FAM186A: variants seen among roughly 807,000 people sequenced by gnomAD.
FAM186A encodes the protein family with sequence similarity 186 member A, also known as protein FAM186A.
A neutral mutation model predicts 216.8 loss-of-function variants in FAM186A; 163 were observed. The ratio of observed to expected loss-of-function variants is 0.75; its 90% confidence interval spans 0.66 to 0.86. The LOEUF (loss-of-function observed/expected upper bound fraction) is 0.86, where lower values mean the gene tolerates loss of function less well. Among genes scored for constraint, FAM186A ranks in the 40% least tolerant of loss-of-function variants. The pLI, the probability that FAM186A is intolerant of heterozygous loss-of-function variation, is 0.00. For missense variants in FAM186A, 2,184 were observed against 2,746.2 expected (o/e 0.80, Z 4.58); for synonymous variants, 805 against 1,025.3 (o/e 0.79, Z 4.10).
chr12:50,360,903 G>A lies in FAM186A; in HGVS notation c.436C>T (p.Leu146=), dbSNP rs1032864412. The change falls in exon 3 of 8, where the codon CTA becomes TTA. Residue 146 remains leucine (L), a synonymous_variant. Coordinates refer to ENST00000327337, the MANE Select transcript of FAM186A (RefSeq NM_001145475.3). ...EWNDVLSEMT[L]MDVDEHHHWI... ...TGGTGGTGTTCATCAACATCCATTA[G>A]AGTCATCTCAGACAAAACATCATCT... 1 of 1,539,672 alleles carries A rather than the reference G, an allele frequency of 6.5e-7. No individual in the cohort carries two copies. The highest frequency in any genetic ancestry group is 2.1e-5 in the Admixed American group (1 of 47,280).
intron 1 of FAM186A, among the ~76,000 whole-genome samples, chr12:50,387,988 C>A (rs551456015): frequency 6.6e-6 from 1 of 152,322 alleles, no homozygotes; most frequent in East Asian, 1.9e-4. Context: ...GGGCACACCA[C>A]TCTCCAGGAA....
chr12:50,385,827 A>G (rs959102425), intron 1 of FAM186A, among the ~76,000 whole-genome samples: 40 of 151,352 alleles, frequency 2.6e-4, no homozygotes, highest in African/African-American at 7.5e-4. Flanking sequence ...GCTTGAACCC[A>G]GGAGGTGGAG....
chr12:50,360,609 C>A lies in FAM186A; in HGVS notation c.583+147G>T, dbSNP rs912379289. The stretch of plus-strand genomic sequence containing the variant: ...CTGAGGCAGGAGAATCACCTGAAAC[C>A]TGGAGGTGGAGGTTGCATTGAACTG... On this transcript the variant is annotated intron_variant, in intron 3 of 7. Coordinates refer to ENST00000327337, the MANE Select transcript of FAM186A (RefSeq NM_001145475.3). 59 of 553,110 alleles carry A rather than the reference C, an allele frequency of 1.1e-4. No individual in the cohort carries two copies. In the African/African-American group the frequency reaches 1.1e-3, roughly 10 times the overall value. 34.3% of individuals were successfully genotyped at this position (553,110 alleles called of 1,614,324 possible).
chr12:50,356,999 AACAT>A (rs71749786), intron 3 of FAM186A, among the ~76,000 whole-genome samples: 4,770 of 149,970 alleles, frequency 0.032, 114 homozygotes, highest in African/African-American at 0.059. Flanking sequence ...ACTTCGTCTC[AACAT>A]ACATACATAC....
chr12:50,373,071 G>A (rs561632946), intron 1 of FAM186A, among the ~76,000 whole-genome samples: 114 of 144,174 alleles, frequency 7.9e-4, no homozygotes, highest in Non-Finnish European at 1.5e-3. Context: ...AAGAAAGAAA[G>A]AAAGAGAAAA....
chr12:50,369,135 G>A (rs955960444), intron 1 of FAM186A, among the ~76,000 whole-genome samples: 2 of 152,002 alleles, frequency 1.3e-5, no homozygotes, highest in East Asian at 3.8e-4. Context: ...AGGCTTCATG[G>A]CATTGGATTT....
At chr12:50,368,116 G>C (rs796392888) in intron 1 of FAM186A, among the ~76,000 whole-genome samples, 64 of 152,034 alleles carry the variant, frequency 4.2e-4, no homozygotes, top group Admixed American at 1.4e-3. Context: ...CTACACTCCA[G>C]CCTGGGTAAC....
At chr12:50,383,278 A>AAAAAAGAGAGAG (rs1555218962) in intron 1 of FAM186A, among the ~76,000 whole-genome samples, 5 of 49,244 alleles carry the variant, frequency 1.0e-4, no homozygotes, top group Non-Finnish European at 2.2e-4. Context: ...AAAAAAAAAA[A>AAAAAAGAGAGAG]AGAGAGAGAG....
At chr12:50,357,522 A>G (rs1942990418) in intron 3 of FAM186A, among the ~76,000 whole-genome samples, 1 of 148,364 alleles carries the variant, frequency 6.7e-6, no homozygotes, top group Non-Finnish European at 1.5e-5. Context: ...AAAAAAAGAC[A>G]CACATTTGAA....
intron 4 of FAM186A, among the ~76,000 whole-genome samples, chr12:50,347,935 C>G (rs1165634938): frequency 1.3e-5 from 2 of 151,692 alleles, no homozygotes; most frequent in South Asian, 2.1e-4. Context: ...GACGACGGCA[C>G]AGTCTTGCCT....
chr12:50,344,974 G>A (rs537770559), intron 4 of FAM186A, among the ~76,000 whole-genome samples: 11 of 152,126 alleles, frequency 7.2e-5, no homozygotes, highest in East Asian at 3.9e-4. Flanking sequence ...AAACAAGGCC[G>A]AGCGCGGTGG....
chr12:50,391,312 T>A (rs1043026729), intron 1 of FAM186A, among the ~76,000 whole-genome samples: 3 of 149,984 alleles, frequency 2.0e-5, no homozygotes, highest in Non-Finnish European at 3.0e-5. Context: ...TTTTTTTATT[T>A]TTTATTTTTT....
chr12:50,355,329 CTTTTT>C lies in FAM186A; in HGVS notation c.1498_1502del (p.Lys500GlufsTer10). The C allele has an allele frequency of 1.9e-6, 3 of 1,550,076 alleles. No individual in the cohort carries two copies. The highest frequency in any genetic ancestry group is 2.6e-6 in the Non-Finnish European group (3 of 1,146,714). ...AAAAGGATTTCATTTCTTTTCTTTT[CTTTTT>C]CAGTACTTGTAGCTCATAGTATTGA... On this transcript the variant is annotated frameshift_variant, in exon 4 of 8. Transcript: ENST00000327337. LOFTEE classifies it high-confidence loss of function.
chr12:50,395,902 C>T (rs146367623), intron 1 of FAM186A, among the ~76,000 whole-genome samples: 29 of 152,194 alleles, frequency 1.9e-4, no homozygotes, highest in Non-Finnish European at 7.4e-5. Flanking sequence ...GCTGGGATTA[C>T]AGGCAAGTGC....
chr12:50,349,450 A>C (rs955231877), intron 4 of FAM186A, among the ~76,000 whole-genome samples: 4 of 151,830 alleles, frequency 2.6e-5, no homozygotes, highest in African/African-American at 9.7e-5. Context: ...CAGACTTCCA[A>C]AGTGCTGGGA....
At chr12:50,391,595 T>A (rs1429051268) in intron 1 of FAM186A, among the ~76,000 whole-genome samples, 1 of 151,878 alleles carries the variant, frequency 6.6e-6, no homozygotes, top group Non-Finnish European at 1.5e-5. Flanking sequence ...ATTACAGGTG[T>A]GAGCCACCAC....
intron 4 of FAM186A, among the ~76,000 whole-genome samples, chr12:50,349,876 T>C (rs549153568): frequency 4.6e-5 from 7 of 151,648 alleles, no homozygotes; most frequent in Non-Finnish European, 1.0e-4. Context: ...GGTCTTGAAC[T>C]CCTGGCCTCA....
At chr12:50,359,129 G>A (rs1471001682) in intron 3 of FAM186A, among the ~76,000 whole-genome samples, 1 of 151,418 alleles carries the variant, frequency 6.6e-6, no homozygotes, top group African/African-American at 2.4e-5. Flanking sequence ...GACAGACAGA[G>A]GCCGGGTGCC....
rs941557614 is a variant in FAM186A at position 50,355,571 on chromosome 12, G to A, written c.1261C>T (p.Arg421Ter). 2.1e-5 allele frequency: 33 copies of A among 1,551,452 alleles called. No individual in the cohort carries two copies. Among genetic ancestry groups the A allele is most frequent in the Middle Eastern group, 1.7e-4 (1 of 6,014 alleles). The change falls in exon 4 of 8, where the codon CGA becomes TGA. Residue 421 changes from arginine (R) to a stop codon, truncating the protein, a stop_gained. Coordinates refer to ENST00000327337, the MANE Select transcript of FAM186A (RefSeq NM_001145475.3). LOFTEE classifies it high-confidence loss of function. ...AERTPDLTELRQQPVASEDIS... is the reference protein window; with the variant it reads ...AERTPDLTEL The stretch of plus-strand genomic sequence containing the variant: ...TCTTCAGAAGCAACAGGTTGCTGTC[G>A]TAGTTCAGTTAAATCTGGAGTTCTT...
Sources: allele counts gnomAD v4.1 joint callset (sites outside exome capture counted in the v4.1 genomes callset), GRCh38; gene constraint gnomAD v4.1.1; transcripts MANE v1.5; gene names NCBI Gene and HGNC (gene_info 2026-07-23, HGNC 2026-07-21).